SIDT1: variants seen among roughly 807,000 people sequenced by gnomAD.
SIDT1 encodes the protein SID1 transmembrane family member 1.
In SIDT1, 101 loss-of-function variants were observed where a neutral mutation model predicts 107.5. That is an observed-to-expected ratio of 0.94 (90% CI 0.80 to 1.11). The LOEUF (loss-of-function observed/expected upper bound fraction) is 1.11, where lower values mean the gene tolerates loss of function less well. Among genes scored for constraint, SIDT1 ranks in the 50% least tolerant of loss-of-function variants. The pLI is 0.00. For missense variants in SIDT1, 1,076 were observed against 1,058.2 expected (o/e 1.02, Z -0.23); for synonymous variants, 395 against 398.2 (o/e 0.99, Z 0.10).
chr3:113,534,912 T>C (rs1413759436), intron 1 of SIDT1, among the ~76,000 whole-genome samples: 3 of 152,206 alleles, frequency 2.0e-5, no homozygotes, highest in Non-Finnish European at 2.9e-5. Flanking sequence ...AACCTTGAGA[T>C]ATTGAGGGCA....
intron 24 of SIDT1, among the ~76,000 whole-genome samples, chr3:113,627,312 C>T (rs1271297674): frequency 6.6e-6 from 1 of 152,136 alleles, no homozygotes; most frequent in Non-Finnish European, 1.5e-5. Context: ...ATCTAACATG[C>T]TATATTTTAC....
At chr3:113,589,565 G>C (rs12489267) in intron 9 of SIDT1, among the ~76,000 whole-genome samples, 1 of 131,696 alleles carries the variant, frequency 7.6e-6, no homozygotes, top group African/African-American at 3.1e-5. Flanking sequence ...ACAGTCTCTC[G>C]CCCTGTCATC....
downstream of SIDT1, chr3:113,632,936 A>G (rs1456606652): frequency 2.6e-5 from 4 of 152,254 alleles, no homozygotes; most frequent in African/African-American, 7.2e-5. Flanking sequence ...CATGAAAAAA[A>G]CACATGATTA....
chr3:113,629,910 AG>A (rs1448826848), downstream of SIDT1, among the ~76,000 whole-genome samples: 1 of 152,200 alleles, frequency 6.6e-6, no homozygotes, highest in Non-Finnish European at 1.5e-5. Flanking sequence ...TACAAATATC[AG>A]TTCTAAATGT....
At chr3:113,583,341 C>T in intron 6 of SIDT1, 68 bp from the exon 7 acceptor site, 2 of 1,182,660 alleles carry the variant, frequency 1.7e-6, no homozygotes, top group Non-Finnish European at 2.4e-6. Flanking sequence ...TCTGCCCCTA[C>T]CCCCAGGGAC....
At chr3:113,552,680 CT>C (rs1940400119) in intron 1 of SIDT1, among the ~76,000 whole-genome samples, 1 of 152,164 alleles carries the variant, frequency 6.6e-6, no homozygotes, top group Non-Finnish European at 1.5e-5. Flanking sequence ...ATGGTCACCC[CT>C]GGACCCCGCT....
chr3:113,541,703 G>C (rs984385693), intron 1 of SIDT1, among the ~76,000 whole-genome samples: 7 of 152,054 alleles, frequency 4.6e-5, no homozygotes, highest in African/African-American at 1.7e-4. Flanking sequence ...TGTAGCCTTT[G>C]TACTTGAAGG....
At position 113,619,732 on chromosome 3, in the gene SIDT1, T is replaced by C. The variant is rs753333112; in HGVS notation, c.2090+6T>C. 23 of 1,613,458 alleles carry C rather than the reference T, an allele frequency of 1.4e-5. No homozygotes were observed. Among genetic ancestry groups the C allele is most frequent in the Non-Finnish European group, 1.9e-5 (22 of 1,179,512 alleles). On this transcript the variant is annotated splice_donor_region_variant and intron_variant, in intron 21 of 24. Coordinates refer to ENST00000264852, the MANE Select transcript of SIDT1 (RefSeq NM_017699.3). ...AATCTGGTTAACTGGTCCTTGTAAG[T>C]AGTCTTATGAAAACATGTTTTTGCC... is the stretch of plus-strand genomic sequence containing the variant.
At chr3:113,597,634 A>G (rs1389199673) in intron 10 of SIDT1, among the ~76,000 whole-genome samples, 1 of 152,222 alleles carries the variant, frequency 6.6e-6, no homozygotes, top group Non-Finnish European at 1.5e-5. Flanking sequence ...TGAAAGACGC[A>G]AACATGCTCA....
chr3:113,557,103 C>T (rs960523400), intron 1 of SIDT1, among the ~76,000 whole-genome samples: 3 of 152,118 alleles, frequency 2.0e-5, no homozygotes, highest in Admixed American at 6.5e-5. Flanking sequence ...CCAAGGCGCC[C>T]GTAATCCCAG....
intron 20 of SIDT1, among the ~76,000 whole-genome samples, chr3:113,617,699 G>A (rs1946200074): frequency 1.3e-5 from 2 of 152,232 alleles, no homozygotes; most frequent in African/African-American, 4.8e-5. Flanking sequence ...TGTGAAACAG[G>A]AGAGGCAAGT....
At chr3:113,611,463 C>T (rs1027765814) in intron 18 of SIDT1, among the ~76,000 whole-genome samples, 1 of 152,114 alleles carries the variant, frequency 6.6e-6, no homozygotes, top group Non-Finnish European at 1.5e-5. Context: ...TCCTGAGTAG[C>T]TGGGACTACA....
intron 6 of SIDT1, chr3:113,581,841 C>T: frequency 6.1e-6 from 1 of 164,556 alleles, no homozygotes; most frequent in South Asian, 1.6e-4. Context: ...GCACTGCACT[C>T]CAGCCTGGGC....
At chr3:113,606,465 G>GA (rs2107692511) in intron 14 of SIDT1, 1 of 152,358 alleles carries the variant, frequency 6.6e-6, no homozygotes, top group East Asian at 1.9e-4. Context: ...TATGCAGTGA[G>GA]AAAAAGGACT....
In SIDT1 at chr3:113,581,366, G is replaced by C. The variant is rs369923682; in HGVS notation, c.669G>C (p.Pro223=). 1 of 1,613,356 alleles carries C rather than the reference G, an allele frequency of 6.2e-7. No individual in the cohort carries two copies. Among genetic ancestry groups the C allele is most frequent in the African/African-American group, 1.3e-5 (1 of 74,868 alleles). The change falls in exon 6 of 25, where the codon CCG becomes CCC. Residue 223 remains proline, a synonymous_variant. Coordinates refer to ENST00000264852, the MANE Select transcript of SIDT1 (RefSeq NM_017699.3). ...SVVSVQNIMC[P]VYDLDHNVEF... ...ATTCCTCATGCATGCTGCAGTGCCC[G>C]GTGTATGATCTCGACCACAATGTGG...
At chr3:113,599,567 A>T (rs754131444) in intron 10 of SIDT1, among the ~76,000 whole-genome samples, 9 of 152,362 alleles carry the variant, frequency 5.9e-5, no homozygotes, top group Non-Finnish European at 1.3e-4. Flanking sequence ...ATATGCTGCC[A>T]TTTGCAACAA....
At chr3:113,567,394 T>C in intron 2 of SIDT1, 146 bp from the exon 3 acceptor site, 4 of 634,614 alleles carry the variant, frequency 6.3e-6, no homozygotes, top group Non-Finnish European at 1.1e-5. Context: ...AAATTACTAT[T>C]GATAGTTCCA....
intron 23 of SIDT1, among the ~76,000 whole-genome samples, chr3:113,624,430 A>G (rs1256984746): frequency 6.6e-6 from 1 of 152,212 alleles, no homozygotes; most frequent in African/African-American, 2.4e-5. Flanking sequence ...CATACATAGT[A>G]CTTCATGTCT....
intron 1 of SIDT1, among the ~76,000 whole-genome samples, chr3:113,540,588 T>C (rs935061737): frequency 6.6e-6 from 1 of 152,230 alleles, no homozygotes; most frequent in African/African-American, 2.4e-5. Context: ...GGCTCATTGT[T>C]TCATTTTACT....
Sources: gnomAD v4.1 joint callset for allele counts (sites outside exome capture counted in the v4.1 genomes callset) on GRCh38, gnomAD v4.1.1 for gene constraint, MANE v1.5 for transcripts, NCBI Gene and HGNC (gene_info 2026-07-23, HGNC 2026-07-21) for gene names.